Variants in CBLN2 observed in about 807,000 individuals in gnomAD.
The protein encoded by CBLN2 is cerebellin-2.
In CBLN2, 7 loss-of-function variants were observed where a neutral mutation model predicts 15.0. The observed-to-expected ratio is 0.47, with a 90% CI of 0.27 to 0.88. CBLN2 has a LOEUF of 0.88. Ranked by LOEUF, CBLN2 falls within the 40% of genes least tolerant of loss-of-function variation. The probability of loss-of-function intolerance (pLI) is 0.14; values close to 1 mark genes in which losing one functional copy is unlikely to be tolerated. For missense variants in CBLN2, 242 were observed against 304.5 expected, an observed-to-expected ratio of 0.79 and a Z score of 1.53; for synonymous variants, 149 against 135.2, an observed-to-expected ratio of 1.10 and a Z score of -0.71.
At chr18:72,562,582 G>A (rs1203995947) in intron 1 of CBLN2, among the ~76,000 whole-genome samples, 1 of 151,962 alleles carries the variant, frequency 6.6e-6, no homozygotes, top group African/African-American at 2.4e-5. Context: ...GACTAGCTTT[G>A]GTATAAAAAT....
At chr18:72,629,543 A>G (rs577971839) in intron 1 of CBLN2, among the ~76,000 whole-genome samples, 276 of 152,244 alleles carry the variant, frequency 1.8e-3, no homozygotes, top group Middle Eastern at 3.4e-3. Flanking sequence ...TTGTTTTATG[A>G]AAACATTTCA....
At chr18:72,563,509 T>A (rs1568256609) in intron 1 of CBLN2, among the ~76,000 whole-genome samples, 1 of 152,108 alleles carries the variant, frequency 6.6e-6, no homozygotes, top group East Asian at 1.9e-4. Context: ...CTTGAGTATC[T>A]GTACGAGAGC....
rs985006236 is a variant in CBLN2, at chr18:72,544,162, A to C, written c.-397T>G. 2.0e-5 allele frequency: 3 copies of C among 151,934 alleles called. No individual in the cohort carries two copies. The highest frequency in any genetic ancestry group is 7.2e-5 in the African/African-American group (3 of 41,412). The allele number at this position is 151,934 out of a possible 1,614,324, so 9.4% of individuals were successfully genotyped here. On this transcript the variant is annotated 5_prime_UTR_variant, in exon 1 of 5. Coordinates refer to ENST00000269503, the MANE Select transcript of CBLN2 (RefSeq NM_182511.4). ...CGAAAAAAACAATAAGTTAAAAAAA[A>C]AAAAAAGAAGAAGAAGACTGGGATG...
chr18:72,618,160 A>T (rs1305101774), intron 1 of CBLN2: 5 of 167,302 alleles, frequency 3.0e-5, no homozygotes, highest in Non-Finnish European at 6.4e-5. Flanking sequence ...TTTTCAAAAC[A>T]GGCTATAAAA....
At chr18:72,577,629 C>T (rs1035731561) in intron 1 of CBLN2, among the ~76,000 whole-genome samples, 2 of 152,176 alleles carry the variant, frequency 1.3e-5, no homozygotes, top group African/African-American at 4.8e-5. Flanking sequence ...AATTAGTCTC[C>T]ATGGGCAAGA....
intron 1 of CBLN2, among the ~76,000 whole-genome samples, chr18:72,568,859 A>T (rs1568119546): frequency 1.3e-5 from 2 of 152,208 alleles, no homozygotes. Flanking sequence ...AATGTATATT[A>T]GGCAGATTAT....
chr18:72,605,828 T>C (rs2069580081), intron 1 of CBLN2, among the ~76,000 whole-genome samples: 1 of 152,270 alleles, frequency 6.6e-6, no homozygotes, highest in African/African-American at 2.4e-5. Flanking sequence ...CTTCTTACTC[T>C]GCTTTTAGAT....
chr18:72,631,690 C>T (rs182166841), intron 1 of CBLN2, among the ~76,000 whole-genome samples: 64 of 152,194 alleles, frequency 4.2e-4, no homozygotes, highest in East Asian at 2.9e-3. Flanking sequence ...TTTGCCAAAA[C>T]CCAACCCTCA....
chr18:72,626,372 G>A (rs2144973313), intron 1 of CBLN2, among the ~76,000 whole-genome samples: 1 of 152,138 alleles, frequency 6.6e-6, no homozygotes, highest in South Asian at 2.1e-4. Context: ...TTCTTTTGGT[G>A]ACATCAATGA....
intron 1 of CBLN2, among the ~76,000 whole-genome samples, chr18:72,585,428 G>A (rs1051230137): frequency 2.0e-5 from 3 of 152,154 alleles, no homozygotes; most frequent in South Asian, 4.1e-4. Context: ...GTTTCCACAG[G>A]CAGGTCACAC....
rs185814493 is a variant in CBLN2 at position 72,573,810 on chromosome 18, T to C, written c.16-35038A>G. Among the ~76,000 whole-genome samples the C allele has an allele frequency of 2.0e-4, 30 of 152,290 alleles. No homozygotes were observed. The East Asian group carries it at 5.2e-3, about 26-fold the overall frequency. On this transcript the variant is annotated intron_variant, in intron 1 of 2. Coordinates refer to the CBLN2 transcript ENST00000581073. ...TTCAAATCATTTGGGTAAATACAGGTGGGTACAACTGTCGCATCTTACGGT... is the reference window on the plus strand; with the variant it reads ...TTCAAATCATTTGGGTAAATACAGGCGGGTACAACTGTCGCATCTTACGGT...
chr18:72,625,814 C>CTA (rs1250960600), intron 1 of CBLN2, among the ~76,000 whole-genome samples: 4,772 of 66,012 alleles, frequency 0.072, 195 homozygotes, highest in Non-Finnish European at 0.1. Flanking sequence ...CTCTCTCTCT[C>CTA]TCTCTATATA....
intron 1 of CBLN2, among the ~76,000 whole-genome samples, chr18:72,552,064 C>T (rs2069194855): frequency 6.6e-6 from 1 of 151,056 alleles, no homozygotes; most frequent in Non-Finnish European, 1.5e-5. Flanking sequence ...TTCTGAATTT[C>T]ACTGTTTATT....
intron 1 of CBLN2, among the ~76,000 whole-genome samples, chr18:72,615,966 T>A (rs2069658747): frequency 6.6e-6 from 1 of 152,210 alleles, no homozygotes; most frequent in African/African-American, 2.4e-5. Context: ...TAACCTTCAA[T>A]TCTAAGGACT....
At chr18:72,556,637 G>A (rs956918040) in intron 1 of CBLN2, among the ~76,000 whole-genome samples, 32 of 152,192 alleles carry the variant, frequency 2.1e-4, no homozygotes, top group African/African-American at 7.7e-4. Context: ...ATGCGGGAGA[G>A]TTATGGAGCA....
chr18:72,610,119 T>C (rs543882376), intron 1 of CBLN2, among the ~76,000 whole-genome samples: 171 of 152,302 alleles, frequency 1.1e-3, no homozygotes, highest in Non-Finnish European at 1.9e-3. Context: ...TAATGTTTCT[T>C]TCTTTTAGAA....
chr18:72,550,193 T>C (rs1292385003), intron 1 of CBLN2, among the ~76,000 whole-genome samples: 1 of 152,230 alleles, frequency 6.6e-6, no homozygotes, highest in Admixed American at 6.5e-5. Flanking sequence ...GCAGGTTTTC[T>C]GAATGCATGT....
chr18:72,570,924 G>C (rs2069328592), intron 1 of CBLN2, among the ~76,000 whole-genome samples: 1 of 151,912 alleles, frequency 6.6e-6, no homozygotes, highest in Non-Finnish European at 1.5e-5. Context: ...TAGTGATTAG[G>C]CAAATTCACA....
chr18:72,605,458 G>A (rs901452068), intron 1 of CBLN2, among the ~76,000 whole-genome samples: 1 of 151,940 alleles, frequency 6.6e-6, no homozygotes, highest in Non-Finnish European at 1.5e-5. Flanking sequence ...AGATGCAAGG[G>A]GATAATACAA....
Sources: allele counts gnomAD v4.1 joint callset (sites outside exome capture counted in the v4.1 genomes callset), GRCh38; gene constraint gnomAD v4.1.1; transcripts MANE v1.5; gene names NCBI Gene and HGNC (gene_info 2026-07-23, HGNC 2026-07-21).